Variants in SZT2 observed in about 807,000 individuals in gnomAD.
SZT2 encodes SZT2 subunit of KICSTOR complex.
SZT2 carries 216 observed loss-of-function variants against 404.2 expected under a neutral mutation model. The observed-to-expected ratio is 0.53, with a 90% confidence interval of 0.48 to 0.60. SZT2 has a LOEUF of 0.60. Ranked by LOEUF, SZT2 falls within the 20% of genes least tolerant of loss-of-function variation. The pLI, the probability that SZT2 is intolerant of heterozygous loss-of-function variation, is 0.00. For missense variants in SZT2, 3,857 were observed against 4,459.2 expected, an observed-to-expected ratio of 0.86 and a Z score of 3.85; for synonymous variants, 1,693 against 1,749.9, an observed-to-expected ratio of 0.97 and a Z score of 0.81.
chr1:43,404,111 G>A (rs1650007493), intron 3 of SZT2: 1 of 517,950 alleles, frequency 1.9e-6, no homozygotes. Context: ...GGAGGCTGAG[G>A]TGGGAGGATT....
intron 11 of SZT2, 145 bp from the exon 12 acceptor site, chr1:43,421,938 C>A: frequency 1.2e-6 from 1 of 834,072 alleles, no homozygotes; most frequent in Non-Finnish European, 1.8e-6. Context: ...CAGTTTTTGC[C>A]TGTGCTTCAG....
intron 40 of SZT2, among the ~76,000 whole-genome samples, chr1:43,433,688 A>C (rs929790682): frequency 6.6e-6 from 1 of 152,234 alleles, no homozygotes; most frequent in Admixed American, 6.5e-5. Context: ...AGGCTGAGGC[A>C]GAAGAATCTT....
Position 43,441,874 on chromosome 1 carries a change from G to T in SZT2, c.7742+56G>T. 6.2e-7 allele frequency: 1 copy of T among 1,603,070 alleles called. No homozygotes were observed. Among genetic ancestry groups the T allele is most frequent in the South Asian group, 1.1e-5 (1 of 90,642 alleles). On this transcript the variant is annotated intron_variant, in intron 55 of 71. Transcript: ENST00000634258. This position sits in a 1 kb window ranked among gnomAD's most constrained non-coding sequence, Gnocchi z 4.8. The stretch of plus-strand genomic sequence containing the variant: ...ACTCCCCTAGACTTCCTAAAAGCTG[G>T]GCCTACAGGAAGCCAAACCTGAGGA...
In SZT2 at chr1:43,415,227, A is replaced by G. The variant is rs995069515; in HGVS notation, c.630+14A>G. 6 of 1,596,986 alleles carry G rather than the reference A, an allele frequency of 3.8e-6. No homozygotes were observed. The highest frequency in any genetic ancestry group is 1.7e-4 in the Middle Eastern group (1 of 5,934). On this transcript the variant is annotated intron_variant, in intron 5 of 71. Transcript: ENST00000634258. ...CCCCAGAGCCAGGTATGTAAGAGAGAAAGTGGGCAGAGGCAACTTAGAAAG... is the reference window on the plus strand; with the variant it reads ...CCCCAGAGCCAGGTATGTAAGAGAGGAAGTGGGCAGAGGCAACTTAGAAAG...
At chr1:43,432,043 T>C in intron 36 of SZT2, 142 bp downstream of exon 36, 1 of 1,199,146 alleles carries the variant, frequency 8.3e-7, no homozygotes, top group Non-Finnish European at 1.2e-6. Context: ...TCATCTGCCC[T>C]AACCCCTGTG....
chr1:43,440,538 T>C lies in SZT2; in HGVS notation c.7296T>C (p.Pro2432=). The C allele has an allele frequency of 6.2e-7, 1 of 1,607,832 alleles. No individual in the cohort carries two copies. The highest frequency in any genetic ancestry group is 1.3e-5 in the African/African-American group (1 of 74,596). Residue 2432 remains proline (P), a synonymous_variant, in exon 52 of 72, where the codon CCT becomes CCC. Transcript: ENST00000634258. ...TFPPAPVPGE[P]VTPPSKAGRR... ...CCCCTGCCCCTGTCCCTGGGGAGCC[T>C]GTGACTCCACCCAGCAAAGCGGGCC... is the stretch of plus-strand genomic sequence containing the variant.
chr1:43,394,204 CTCTT>C (rs1284648090), intron 1 of SZT2: 7 of 230,648 alleles, frequency 3.0e-5, no homozygotes, highest in African/African-American at 1.7e-4. Context: ...AGCCCATCAA[CTCTT>C]TTTTTTTTTT....
chr1:43,429,911 T>A, intron 29 of SZT2, 67 bp downstream of exon 29: 1 of 1,612,390 alleles, frequency 6.2e-7, no homozygotes, highest in Non-Finnish European at 8.5e-7. Context: ...CAGGATTCTC[T>A]CCTGGGCGGG....
intron 70 of SZT2, chr1:43,449,892 T>G (rs1013377344): frequency 3.2e-6 from 2 of 633,614 alleles, no homozygotes; most frequent in African/African-American, 3.6e-5. Flanking sequence ...CTGTTACCCC[T>G]CATTCTGATG....
Position 43,439,255 on chromosome 1 carries a change from G to C in SZT2, c.6793-103G>C, listed in dbSNP as rs1570703701. 5 of 1,526,924 alleles carry C rather than the reference G, an allele frequency of 3.3e-6. No homozygotes were observed. Among genetic ancestry groups the C allele is most frequent in the Non-Finnish European group, 4.5e-6 (5 of 1,105,076 alleles). The allele number at this position is 1,526,924 out of a possible 1,614,324, so 94.6% of individuals were successfully genotyped here. On this transcript the variant is annotated intron_variant, in intron 48 of 71. Coordinates refer to ENST00000634258, the MANE Select transcript of SZT2 (RefSeq NM_001365999.1). The surrounding 1 kb of genome is among the most constrained non-coding windows in gnomAD (Gnocchi z 4.2). Reference sequence around the variant, plus strand: ...TTATTACCCGCCTGTGTCTTCTCATGCTCCCATATCTACCTGCACCACATT... The same window carrying C: ...TTATTACCCGCCTGTGTCTTCTCATCCTCCCATATCTACCTGCACCACATT...
At chr1:43,414,351 A>G (rs774628871) in intron 4 of SZT2, among the ~76,000 whole-genome samples, 2 of 152,154 alleles carry the variant, frequency 1.3e-5, no homozygotes, top group Admixed American at 6.5e-5. Context: ...ATTGTTATAC[A>G]TTGTATTCCT....
At chr1:43,390,111 C>T (rs2153926440) in intron 1 of SZT2, 116 bp downstream of exon 1, 1 of 1,228,536 alleles carries the variant, frequency 8.1e-7, no homozygotes, top group Non-Finnish European at 1.1e-6. Flanking sequence ...GTAGCCTCGG[C>T]AGGGACCAGC....
In SZT2 at chr1:43,442,435, C is replaced by T. The variant is rs1456601135; in HGVS notation, c.7975-7C>T. 6.2e-7 allele frequency: 1 copy of T among 1,612,458 alleles called. No homozygotes were observed. The highest frequency in any genetic ancestry group is 8.5e-7 in the Non-Finnish European group (1 of 1,178,862). ...TGATCTCACTGACCCTGACCCCCGA[C>T]CTCCAGCTACAGCTGCTGACCTACA... On this transcript the variant is annotated splice_region_variant and splice_polypyrimidine_tract_variant and intron_variant, in intron 57 of 71. Transcript: ENST00000634258. This position sits in a 1 kb window ranked among gnomAD's most constrained non-coding sequence, Gnocchi z 4.5.
At position 43,425,154 on chromosome 1, in the gene SZT2, C is replaced by T. The variant is rs1570644142; in HGVS notation, c.2592C>T (p.Thr864=). Residue 864 remains threonine, a synonymous_variant, in exon 18 of 72, where the codon ACC becomes ACT. Transcript: ENST00000634258. The surrounding 1 kb of genome is among the most constrained non-coding windows in gnomAD (Gnocchi z 4.3). The part of the protein sequence containing the change: ...PGQAAAEEKH[T]CVVQYILFPP... Reference sequence around the variant, plus strand: ...AGGCTGCAGCTGAAGAGAAGCACACCTGTGTTGTCCAGTACATCCTCTTCC... The same window carrying T: ...AGGCTGCAGCTGAAGAGAAGCACACTTGTGTTGTCCAGTACATCCTCTTCC... The T allele has an allele frequency of 6.2e-7, 1 of 1,614,208 alleles. No homozygotes were observed. Among genetic ancestry groups the T allele is most frequent in the East Asian group, 2.2e-5 (1 of 44,884 alleles).
Position 43,433,197 on chromosome 1 carries a change from A to G in SZT2, c.5804+7A>G. 6.2e-7 allele frequency: 1 copy of G among 1,612,654 alleles called. No homozygotes were observed. Among genetic ancestry groups the G allele is most frequent in the Non-Finnish European group, 8.5e-7 (1 of 1,179,902 alleles). On this transcript the variant is annotated splice_region_variant and intron_variant, in intron 40 of 71. Coordinates refer to ENST00000634258, the MANE Select transcript of SZT2 (RefSeq NM_001365999.1). ...AAGTGTATGCACATGCACGGTAAGT[A>G]GAAGCCAGGGCCTGCACCCTCATGC...
intron 40 of SZT2, 100 bp from the exon 41 acceptor site, chr1:43,434,286 C>G (rs544696481): frequency 5.8e-6 from 6 of 1,040,278 alleles, no homozygotes; most frequent in African/African-American, 3.3e-5. Flanking sequence ...TTCTCTCCCC[C>G]TCGTGATACG....
chr1:43,425,513 C>T lies in SZT2; in HGVS notation c.2685C>T (p.Ala895=). 1 of 1,614,104 alleles carries T rather than the reference C, an allele frequency of 6.2e-7. No homozygotes were observed. Among genetic ancestry groups the T allele is most frequent in the East Asian group, 2.2e-5 (1 of 44,880 alleles). Residue 895 remains alanine (A), a synonymous_variant, in exon 19 of 72, where the codon GCC becomes GCT. Transcript: ENST00000634258. The surrounding 1 kb of genome is among the most constrained non-coding windows in gnomAD (Gnocchi z 4.3). Reference sequence around the variant, plus strand: ...ATGACAATGATGTGGAAGTGGAGGCCCTGGAGGGAGACTCAGAGCTCAATC... The same window carrying T: ...ATGACAATGATGTGGAAGTGGAGGCTCTGGAGGGAGACTCAGAGCTCAATC... ...TDDDNDVEVE[A]LEGDSELNLV... is the part of the protein sequence containing the mutation.
chr1:43,433,018 A>G lies in SZT2; in HGVS notation c.5632A>G (p.Ser1878Gly). The G allele has an allele frequency of 6.2e-7, 1 of 1,614,132 alleles. No homozygotes were observed. The highest frequency in any genetic ancestry group is 8.5e-7 in the Non-Finnish European group (1 of 1,180,030). ...GYDGGSSGSD[S>G]EGPNDTLGEK... Reference sequence around the variant, plus strand: ...TGATGGTGGCAGCAGTGGCTCAGACAGTGAGGGTCCCAATGACACCCTTGG... The same window carrying G: ...TGATGGTGGCAGCAGTGGCTCAGACGGTGAGGGTCCCAATGACACCCTTGG... The change falls in exon 40 of 72, where the codon AGT becomes GGT. Residue 1878 changes from serine to glycine, a missense_variant. By Grantham distance (56) the Ser-to-Gly change is moderately conservative. Transcript: ENST00000634258.
At chr1:43,414,982 G>T in intron 4 of SZT2, 100 bp from the exon 5 acceptor site, 3 of 1,448,540 alleles carry the variant, frequency 2.1e-6, no homozygotes, top group Non-Finnish European at 2.8e-6. Flanking sequence ...TAGGAAGTCA[G>T]GATCGCCTAG....
Sources: gnomAD v4.1 joint callset for allele counts (sites outside exome capture counted in the v4.1 genomes callset) on GRCh38, gnomAD v4.1.1 for gene constraint, Gnocchi (gnomAD v3.1) non-coding constraint, MANE v1.5 for transcripts, NCBI Gene and HGNC (gene_info 2026-07-23, HGNC 2026-07-21) for gene names.